IL6R: variants seen among roughly 807,000 people sequenced by gnomAD.
The protein encoded by IL6R is interleukin-6 receptor subunit alpha.
IL6R carries 38 observed loss-of-function variants against 48.3 expected under a neutral mutation model. The ratio of observed to expected loss-of-function variants is 0.79; its 90% confidence interval spans 0.61 to 1.03. IL6R has a LOEUF of 1.03. IL6R is among the 50% of genes least tolerant of loss of function. The pLI, the probability that IL6R is intolerant of heterozygous loss-of-function variation, is 0.00. For missense variants in IL6R, 534 were observed against 618.3 expected, an observed-to-expected ratio of 0.86 and a Z score of 1.45; for synonymous variants, 264 against 256.2, an observed-to-expected ratio of 1.03 and a Z score of -0.29.
At chr1:154,457,322 C>CAAAAAAAAAA (rs60033332) in intron 9 of IL6R, among the ~76,000 whole-genome samples, 33 of 78,092 alleles carry the variant, frequency 4.2e-4, no homozygotes, top group African/African-American at 7.0e-4. Context: ...GACTCCGTCT[C>CAAAAAAAAAA]AAAAAAAAAA....
Position 154,454,468 on chromosome 1 carries a change from C to A in IL6R, c.1067-20C>A. 1.3e-6 allele frequency: 2 copies of A among 1,501,762 alleles called. No individual in the cohort carries two copies. The highest frequency in any genetic ancestry group is 1.9e-6 in the Non-Finnish European group (2 of 1,080,134). 93.0% of individuals were successfully genotyped at this position (1,501,762 alleles called of 1,614,324 possible). A position where few individuals can be genotyped will look rare whatever the true frequency, so the allele number is the denominator to read the frequency against. ...TATTCTCCTCTTCCTCCTCTATCTTCAATTTTTTTTTTAACCTAGTGCAAG... is the reference window on the plus strand; with the variant it reads ...TATTCTCCTCTTCCTCCTCTATCTTAAATTTTTTTTTTAACCTAGTGCAAG... On this transcript the variant is annotated intron_variant, in intron 8 of 9. Coordinates refer to ENST00000368485, the MANE Select transcript of IL6R (RefSeq NM_000565.4).
rs1689597429 is a variant in IL6R at position 154,435,914 on chromosome 1, C to T, written c.808-55C>T. On this transcript the variant is annotated intron_variant, in intron 5 of 9. Coordinates refer to ENST00000368485, the MANE Select transcript of IL6R (RefSeq NM_000565.4). ...AAGGCACCAACCCACTGGGGTGCTA[C>T]CTGCCCAGCACCATCCTGGATACCT... The T allele has an allele frequency of 2.7e-6, 4 of 1,482,150 alleles. No individual in the cohort carries two copies. In the African/African-American group the frequency reaches 4.2e-5, roughly 15 times the overall value. The allele number at this position is 1,482,150 out of a possible 1,614,324, so 91.8% of individuals were successfully genotyped here. A position where few individuals can be genotyped will look rare whatever the true frequency, so the allele number is the denominator to read the frequency against.
At chr1:154,462,983 T>C (rs890958596) in intron 9 of IL6R, among the ~76,000 whole-genome samples, 1 of 151,942 alleles carries the variant, frequency 6.6e-6, no homozygotes, top group Non-Finnish European at 1.5e-5. Flanking sequence ...AATTCTTTTT[T>C]AGTAGAGACA....
chr1:154,452,744 T>G (rs1177417847), intron 8 of IL6R, among the ~76,000 whole-genome samples: 3 of 150,444 alleles, frequency 2.0e-5, no homozygotes, highest in Non-Finnish European at 4.4e-5. Flanking sequence ...GGCAGGAGAA[T>G]AGGGTGAACC....
intron 3 of IL6R, among the ~76,000 whole-genome samples, chr1:154,433,247 G>T (rs1689410206): frequency 6.6e-6 from 1 of 152,246 alleles, no homozygotes; most frequent in Non-Finnish European, 1.5e-5. Flanking sequence ...ACCCAAGTCA[G>T]AGGTGGCAGA....
Position 154,429,375 on chromosome 1 carries a change from C to T in IL6R, c.265C>T (p.His89Tyr). 1.3e-5 allele frequency: 21 copies of T among 1,614,100 alleles called. No individual in the cohort carries two copies. The highest frequency in any genetic ancestry group is 1.7e-5 in the Non-Finnish European group (20 of 1,179,986). Residue 89 changes from histidine to tyrosine, a missense_variant, in exon 2 of 10, where the codon CAC becomes TAC. Transcript: ENST00000368485. ...GCTGCTGCTGAGGTCGGTGCAGCTC[C>T]ACGACTCTGGAAACTATTCATGCTA... ...RRLLLRSVQL[H>Y]DSGNYSCYRA...
rs993502828 is a variant in IL6R, at chr1:154,415,133, C to G, written c.85+9419C>G. 1.0e-5 allele frequency: 10 copies of G among 964,550 alleles called. No homozygotes were observed. The East Asian group carries it at 1.6e-4, about 15-fold the overall frequency. 59.7% of individuals were successfully genotyped at this position (964,550 alleles called of 1,614,324 possible). ...TCCACTCGCCCTTGAGTTGCTTGTA[C>G]TTGCCGTCCTCAGCCTGCAGGACAG... On this transcript the variant is annotated intron_variant, in intron 1 of 9. Transcript: ENST00000368485.
intron 9 of IL6R, among the ~76,000 whole-genome samples, chr1:154,456,087 G>A (rs890970117): frequency 2.0e-5 from 3 of 152,004 alleles, no homozygotes; most frequent in Admixed American, 6.5e-5. Flanking sequence ...CACTCTCAAT[G>A]CAGTTTGGAG....
At chr1:154,412,606 CT>C (rs998652119) in intron 1 of IL6R, among the ~76,000 whole-genome samples, 3 of 152,144 alleles carry the variant, frequency 2.0e-5, no homozygotes, top group African/African-American at 7.2e-5. Context: ...AATGTGAGGA[CT>C]TTCTCCCAGA....
At chr1:154,437,755 C>G (rs1330057439) in intron 6 of IL6R, among the ~76,000 whole-genome samples, 1 of 151,244 alleles carries the variant, frequency 6.6e-6, no homozygotes, top group Non-Finnish European at 1.5e-5. Context: ...GCTCTGTTGC[C>G]CAGGCTGGAG....
In IL6R at chr1:154,468,764, G is replaced by A. The variant is rs575066163; in HGVS notation, c.*3384G>A. 114 of 152,442 alleles carry A rather than the reference G, an allele frequency of 7.5e-4. No individual in the cohort carries two copies. The highest frequency in any genetic ancestry group is 1.4e-3 in the Non-Finnish European group (98 of 68,090). 9.4% of individuals were successfully genotyped at this position (152,442 alleles called of 1,614,324 possible). On this transcript the variant is annotated 3_prime_UTR_variant, in exon 10 of 10. Transcript: ENST00000368485. ...TTGTGGTCTATGGGTTTGTTTCCTG[G>A]AGAATGTTCAGGAATGTCTTCCCAG... is the stretch of plus-strand genomic sequence containing the variant.
intron 6 of IL6R, among the ~76,000 whole-genome samples, chr1:154,446,489 C>T (rs979922563): frequency 9.2e-5 from 14 of 152,188 alleles, no homozygotes. Context: ...TTAAACCATT[C>T]TGTGGAATTT....
chr1:154,468,478 T>C lies in IL6R; in HGVS notation c.*3098T>C, dbSNP rs1691652198. Reference sequence around the variant, plus strand: ...AATAATGTTTGTAGCATTAATGAAATATTTTCAAGAAATGTGTCCAGGGGT... The same window carrying C: ...AATAATGTTTGTAGCATTAATGAAACATTTTCAAGAAATGTGTCCAGGGGT... On this transcript the variant is annotated 3_prime_UTR_variant, in exon 10 of 10. Transcript: ENST00000368485. 1 of 152,238 alleles carries C rather than the reference T, an allele frequency of 6.6e-6. No individual in the cohort carries two copies. Among genetic ancestry groups the C allele is most frequent in the African/African-American group, 2.4e-5 (1 of 41,452 alleles). 9.4% of individuals were successfully genotyped at this position (152,238 alleles called of 1,614,324 possible).
Position 154,429,486 on chromosome 1 carries a change from A to G in IL6R, c.334+42A>G, listed in dbSNP as rs773005536. ...AGGTCCCGGAGATAGTTCCCGTAAG[A>G]AATGAGGCTTTGTGCATTCCAGACA... On this transcript the variant is annotated intron_variant, in intron 2 of 9. Coordinates refer to ENST00000368485, the MANE Select transcript of IL6R (RefSeq NM_000565.4). The G allele has an allele frequency of 1.0e-5, 16 of 1,580,536 alleles. No homozygotes were observed. The East Asian group carries it at 3.6e-4, about 36-fold the overall frequency.
intron 6 of IL6R, 96 bp from the exon 7 acceptor site, chr1:154,448,029 C>T (rs1690372778): frequency 1.0e-6 from 1 of 995,686 alleles, no homozygotes; most frequent in Non-Finnish European, 1.6e-6. Context: ...TTTTAAATAA[C>T]ATTGAGATGA....
At chr1:154,444,369 C>T (rs1395125204) in intron 6 of IL6R, among the ~76,000 whole-genome samples, 3 of 152,202 alleles carry the variant, frequency 2.0e-5, no homozygotes, top group South Asian at 2.1e-4. Context: ...CCATCATGCC[C>T]GGCTAATTTT....
intron 3 of IL6R, among the ~76,000 whole-genome samples, chr1:154,431,702 G>C (rs1433818800): frequency 6.6e-6 from 1 of 152,108 alleles, no homozygotes; most frequent in African/African-American, 2.4e-5. Context: ...TCAGTGTTAG[G>C]CTACTAGGGC....
At chr1:154,440,869 T>C (rs1172432772) in intron 6 of IL6R, among the ~76,000 whole-genome samples, 3 of 152,210 alleles carry the variant, frequency 2.0e-5, no homozygotes, top group Non-Finnish European at 4.4e-5. Flanking sequence ...GCGAGGCTGC[T>C]CTTGAACTCC....
chr1:154,412,071 C>T (rs889104420), intron 1 of IL6R, among the ~76,000 whole-genome samples: 11 of 151,104 alleles, frequency 7.3e-5, no homozygotes, highest in Non-Finnish European at 1.5e-4. Flanking sequence ...CCTCAGCCTC[C>T]CGAGTAGCTG....
Sources: gnomAD v4.1 joint callset for allele counts (sites outside exome capture counted in the v4.1 genomes callset) on GRCh38, gnomAD v4.1.1 for gene constraint, MANE v1.5 for transcripts, NCBI Gene and HGNC (gene_info 2026-07-23, HGNC 2026-07-21) for gene names.